The following TOP6BL variants were observed in gnomAD, a reference collection of about 807,000 sequenced individuals.
TOP6BL encodes the protein type 2 DNA topoisomerase 6 subunit B-like.
chr11:66,747,469 C>G, the TOP6BL span, among the ~76,000 whole-genome samples: 3 of 152,064 alleles, frequency 2.0e-5, no homozygotes, highest in South Asian at 2.1e-4. Flanking sequence ...CCTTGGCCTC[C>G]CAAAGTGCTG....
chr11:66,806,562 G>C, the TOP6BL span, among the ~76,000 whole-genome samples: 1 of 152,192 alleles, frequency 6.6e-6, no homozygotes, highest in Non-Finnish European at 1.5e-5. Context: ...GAGGTCAGGA[G>C]TTTGAGACCA....
At chr11:66,775,321 G>A in the TOP6BL span, among the ~76,000 whole-genome samples, 1 of 152,096 alleles carries the variant, frequency 6.6e-6, no homozygotes, top group Non-Finnish European at 1.5e-5. Flanking sequence ...GGCACTATAA[G>A]GGAGAATAAG....
At chr11:66,782,585 G>A in the TOP6BL span, among the ~76,000 whole-genome samples, 2 of 152,078 alleles carry the variant, frequency 1.3e-5, no homozygotes, top group Non-Finnish European at 2.9e-5. Context: ...TTCTGTAGAT[G>A]GGAAAATTTC....
At chr11:66,773,449 A>G in the TOP6BL span, among the ~76,000 whole-genome samples, 1 of 151,666 alleles carries the variant, frequency 6.6e-6, no homozygotes, top group Non-Finnish European at 1.5e-5. Context: ...ATTGTTCATA[A>G]TTTTCCTTAT....
the TOP6BL span, among the ~76,000 whole-genome samples, chr11:66,791,516 AAG>A: frequency 2.3e-4 from 35 of 152,194 alleles, no homozygotes; most frequent in East Asian, 4.8e-3. Flanking sequence ...GTGAGGGGGC[AAG>A]AGAGAGAGAC....
the TOP6BL span, among the ~76,000 whole-genome samples, chr11:66,760,014 A>G: frequency 6.6e-6 from 1 of 152,232 alleles, no homozygotes; most frequent in Non-Finnish European, 1.5e-5. Flanking sequence ...TTTGCTACAT[A>G]AGTATTATCC....
chr11:66,747,602 G>A, the TOP6BL span, among the ~76,000 whole-genome samples: 2 of 152,092 alleles, frequency 1.3e-5, no homozygotes, highest in Admixed American at 1.3e-4. Flanking sequence ...GGTTTGGAGA[G>A]ATTAAGTAAT....
chr11:66,834,171 G>A, the TOP6BL span, among the ~76,000 whole-genome samples: 1 of 152,154 alleles, frequency 6.6e-6, no homozygotes, highest in East Asian at 1.9e-4. Context: ...TTAGGTCATA[G>A]TTTTCCCATT....
the TOP6BL span, among the ~76,000 whole-genome samples, chr11:66,842,315 C>T: frequency 6.6e-6 from 1 of 152,244 alleles, no homozygotes; most frequent in African/African-American, 2.4e-5. Context: ...AGGTCTGCAT[C>T]CCCTCCTAGC....
the TOP6BL span, among the ~76,000 whole-genome samples, chr11:66,809,629 G>T: frequency 2.0e-5 from 3 of 152,186 alleles, no homozygotes; most frequent in African/African-American, 7.2e-5. Context: ...GCATACTTAT[G>T]ATAAATAATT....
At chr11:66,791,176 TAATA>T in the TOP6BL span, among the ~76,000 whole-genome samples, 1 of 152,190 alleles carries the variant, frequency 6.6e-6, no homozygotes, top group Non-Finnish European at 1.5e-5. Flanking sequence ...GGAAAAGCTA[TAATA>T]AATGATCCAT....
the TOP6BL span, among the ~76,000 whole-genome samples, chr11:66,749,803 C>T: frequency 1.3e-5 from 2 of 152,094 alleles, no homozygotes; most frequent in African/African-American, 4.8e-5. Flanking sequence ...AACTCCTGAC[C>T]TCAAGTGATA....
the TOP6BL span, chr11:66,795,915 A>G: frequency 6.2e-6 from 1 of 161,244 alleles, no homozygotes; most frequent in African/African-American, 2.4e-5. Flanking sequence ...TTTCTAAAAA[A>G]GCATAACTCA....
chr11:66,822,530 A>T, the TOP6BL span: 2 of 1,348,746 alleles, frequency 1.5e-6, no homozygotes, highest in Non-Finnish European at 2.1e-6. Flanking sequence ...CTTGGGATTC[A>T]TGCAGTCTCC....
chr11:66,828,442 T>C, the TOP6BL span: 4 of 1,103,564 alleles, frequency 3.6e-6, no homozygotes, highest in Non-Finnish European at 5.4e-6. Context: ...GGTGGGTAGG[T>C]ACAAGTGTTT....
chr11:66,839,479 A>G, the TOP6BL span, among the ~76,000 whole-genome samples: 4 of 152,224 alleles, frequency 2.6e-5, no homozygotes, highest in African/African-American at 7.2e-5. Context: ...ATCTGGGTCA[A>G]GGGAAGCTGG....
the TOP6BL span, among the ~76,000 whole-genome samples, chr11:66,763,340 C>T: frequency 6.6e-6 from 1 of 152,176 alleles, no homozygotes; most frequent in African/African-American, 2.4e-5. Flanking sequence ...TTACAGACTT[C>T]GGCTTTTGCT....
chr11:66,775,982 C>A, the TOP6BL span, among the ~76,000 whole-genome samples: 1 of 151,738 alleles, frequency 6.6e-6, no homozygotes, highest in South Asian at 2.1e-4. Context: ...TCTGTGGATT[C>A]TTTTGGATCC....
chr11:66,796,912 C>CT, the TOP6BL span, among the ~76,000 whole-genome samples: 1 of 149,860 alleles, frequency 6.7e-6, no homozygotes. Flanking sequence ...AGGCTAGTCT[C>CT]TAACTCCCAG....
Sources: allele counts gnomAD v4.1 joint callset (sites outside exome capture counted in the v4.1 genomes callset), GRCh38; gene constraint gnomAD v4.1.1; transcripts MANE v1.5; gene names NCBI Gene and HGNC (gene_info 2026-07-23, HGNC 2026-07-21).